Variants in UBAC2 observed in about 807,000 individuals in gnomAD.
UBAC2 encodes UBA domain containing 2.
Under a neutral mutation model 44.0 loss-of-function variants are expected in UBAC2, and 26 were observed. The ratio of observed to expected loss-of-function variants is 0.59; its 90% CI spans 0.43 to 0.82. The LOEUF (loss-of-function observed/expected upper bound fraction) is 0.82, where lower values mean the gene tolerates loss of function less well. Ranked by LOEUF, UBAC2 falls within the 40% of genes least tolerant of loss-of-function variation. The probability of loss-of-function intolerance (pLI) is 0.00; values close to 1 mark genes in which losing one functional copy is unlikely to be tolerated. For synonymous variants in UBAC2, 155 were observed against 154.3 expected, an observed-to-expected ratio of 1.00 and a Z score of -0.04; for missense variants, 329 against 419.4, an observed-to-expected ratio of 0.78 and a Z score of 1.88.
intron 1 of UBAC2, among the ~76,000 whole-genome samples, chr13:99,203,608 A>T (rs1238630938): frequency 6.6e-6 from 1 of 152,228 alleles, no homozygotes; most frequent in Non-Finnish European, 1.5e-5. Flanking sequence ...CACACTGTTG[A>T]TATACAGAGG....
At chr13:99,255,483 T>G (rs1165664436) in intron 4 of UBAC2, 3 of 1,614,132 alleles carry the variant, frequency 1.9e-6, no homozygotes, top group Non-Finnish European at 2.5e-6. Flanking sequence ...TTTTAAGTTC[T>G]TTGGCGTACT....
chr13:99,357,896 T>C (rs910083305), intron 7 of UBAC2, among the ~76,000 whole-genome samples: 2 of 152,224 alleles, frequency 1.3e-5, no homozygotes, highest in Non-Finnish European at 2.9e-5. Flanking sequence ...TCCATTCAGT[T>C]ATCCATTTTG....
At chr13:99,208,351 G>A (rs1448133680) in intron 1 of UBAC2, among the ~76,000 whole-genome samples, 1 of 152,144 alleles carries the variant, frequency 6.6e-6, no homozygotes, top group East Asian at 1.9e-4. Flanking sequence ...TTTATGAAAA[G>A]CTGTCAGGCC....
chr13:99,332,632 C>T (rs1045804718), intron 6 of UBAC2, among the ~76,000 whole-genome samples: 8 of 152,160 alleles, frequency 5.3e-5, no homozygotes, highest in African/African-American at 1.9e-4. Flanking sequence ...GCCAGGGTTC[C>T]TGCTTCCTGT....
At chr13:99,264,420 A>G (rs1366850967) in intron 4 of UBAC2, among the ~76,000 whole-genome samples, 1 of 152,210 alleles carries the variant, frequency 6.6e-6, no homozygotes, top group Non-Finnish European at 1.5e-5. Flanking sequence ...TACCTTTCCT[A>G]TTTAAAAACT....
intron 3 of UBAC2, 115 bp from the exon 4 acceptor site, chr13:99,244,400 T>A (rs962562495): frequency 2.7e-5 from 18 of 672,378 alleles, no homozygotes; most frequent in Admixed American, 1.1e-4. Flanking sequence ...TGTGTGTATA[T>A]ACACACACAC....
chr13:99,296,271 T>C, intron 4 of UBAC2: 2 of 797,580 alleles, frequency 2.5e-6, no homozygotes, highest in Admixed American at 3.4e-5. Context: ...ATCCAAACTG[T>C]CTTTTATATA....
chr13:99,252,088 A>C (rs1321586309), intron 4 of UBAC2, among the ~76,000 whole-genome samples: 1 of 152,212 alleles, frequency 6.6e-6, no homozygotes, highest in Non-Finnish European at 1.5e-5. Flanking sequence ...AGTCCTCCTC[A>C]TCTGACCACC....
Position 99,385,487 on chromosome 13 carries a change from C to T in UBAC2, c.*152C>T. ...CGCACCCCTGCCCTCAACCGCAAGACTGTTGCCGTTTTAGTGTGGAGATAA... is the reference window on the plus strand; with the variant it reads ...CGCACCCCTGCCCTCAACCGCAAGATTGTTGCCGTTTTAGTGTGGAGATAA... On this transcript the variant is annotated 3_prime_UTR_variant, in exon 9 of 9. Transcript: ENST00000403766. The T allele has an allele frequency of 1.7e-6, 1 of 603,056 alleles. No individual in the cohort carries two copies. The highest frequency in any genetic ancestry group is 2.1e-5 in the South Asian group (1 of 48,750). The allele number at this position is 603,056 out of a possible 1,614,324, so 37.4% of individuals were successfully genotyped here.
chr13:99,292,179 A>C (rs1230846365), intron 4 of UBAC2, among the ~76,000 whole-genome samples: 1 of 150,074 alleles, frequency 6.7e-6, no homozygotes, highest in Non-Finnish European at 1.5e-5. Flanking sequence ...ACTGTCACCC[A>C]GACTGGAGTG....
chr13:99,243,661 A>G (rs1218351603), intron 2 of UBAC2, among the ~76,000 whole-genome samples, 171 bp from the exon 3 acceptor site: 2 of 152,178 alleles, frequency 1.3e-5, no homozygotes, highest in African/African-American at 2.4e-5. Flanking sequence ...AATTTTTACT[A>G]TGAGAGACTT....
chr13:99,205,254 G>A (rs1340494756), intron 1 of UBAC2, among the ~76,000 whole-genome samples: 5 of 152,156 alleles, frequency 3.3e-5, no homozygotes, highest in African/African-American at 9.7e-5. Flanking sequence ...AAGGTGTTGG[G>A]AAAAACCCAG....
At chr13:99,224,867 G>A (rs1387481748) in intron 1 of UBAC2, among the ~76,000 whole-genome samples, 1 of 152,166 alleles carries the variant, frequency 6.6e-6, no homozygotes, top group African/African-American at 2.4e-5. Flanking sequence ...CGTAGTAAAA[G>A]TACAAATCTT....
chr13:99,253,628 C>T (rs928171329), intron 4 of UBAC2, among the ~76,000 whole-genome samples: 2 of 152,180 alleles, frequency 1.3e-5, no homozygotes, highest in Admixed American at 1.3e-4. Context: ...ATTCTCCTGC[C>T]TCAGCTTCCC....
At chr13:99,205,696 A>T (rs921054584) in intron 1 of UBAC2, 1 of 156,372 alleles carries the variant, frequency 6.4e-6, no homozygotes, top group Non-Finnish European at 1.4e-5. Flanking sequence ...GATAGAAGAT[A>T]GAAGGATTCT....
At chr13:99,252,530 A>G (rs2043470867) in intron 4 of UBAC2, among the ~76,000 whole-genome samples, 1 of 152,202 alleles carries the variant, frequency 6.6e-6, no homozygotes, top group African/African-American at 2.4e-5. Flanking sequence ...AAACTCAGAA[A>G]ATGTAACCAT....
At chr13:99,248,737 G>C (rs2043420548) in intron 4 of UBAC2, among the ~76,000 whole-genome samples, 1 of 152,032 alleles carries the variant, frequency 6.6e-6, no homozygotes, top group Non-Finnish European at 1.5e-5. Context: ...ATTTTGCCCA[G>C]GCTGGTCTCA....
At chr13:99,351,312 A>G (rs2045084355) in intron 7 of UBAC2, 2 of 331,588 alleles carry the variant, frequency 6.0e-6, no homozygotes, top group African/African-American at 2.2e-5. Flanking sequence ...TAACCTCTAG[A>G]GCAACAGTCA....
At chr13:99,314,268 T>G (rs1171112403) in intron 5 of UBAC2, 48 bp downstream of exon 5, 9 of 1,536,186 alleles carry the variant, frequency 5.9e-6, no homozygotes, top group Non-Finnish European at 7.8e-6. Context: ...AGATCTTTTT[T>G]TTTTTTTTTT....
Sources: allele counts gnomAD v4.1 joint callset (sites outside exome capture counted in the v4.1 genomes callset), GRCh38; gene constraint gnomAD v4.1.1; transcripts MANE v1.5; gene names NCBI Gene and HGNC (gene_info 2026-07-23, HGNC 2026-07-21).